RGS18: variants seen among roughly 807,000 people sequenced by gnomAD.
RGS18 encodes the protein regulator of G protein signaling 18.
Under a neutral mutation model 27.6 loss-of-function variants are expected in RGS18, and 22 were observed. The ratio of observed to expected loss-of-function variants is 0.80; its 90% CI spans 0.57 to 1.14. The LOEUF is 1.14. Ranked by LOEUF, RGS18 falls within the 50% of genes most tolerant of loss-of-function variation. The pLI is 0.00. For synonymous variants in RGS18, 89 were observed against 84.6 expected (o/e 1.05, Z -0.29); for missense variants, 299 against 269.6 (o/e 1.11, Z -0.76).
In RGS18 at chr1:192,181,272, A is replaced by G. The variant is rs10921106; in HGVS notation, c.284-20A>G. 2.3e-4 allele frequency: 291 copies of G among 1,285,166 alleles called. No individual in the cohort carries two copies. The African/African-American group carries it at 3.9e-3, about 17-fold the overall frequency. The allele number at this position is 1,285,166 out of a possible 1,614,324, so 79.6% of individuals were successfully genotyped here. ...AACATTAATACCATTTTATAGTTAT[A>G]TTATTTATTTTCTTGATAGATGGAC... On this transcript the variant is annotated intron_variant, in intron 3 of 4. Transcript: ENST00000367460.
In RGS18 at chr1:192,158,632, G is replaced by T; in HGVS notation, c.-6G>T. 1 of 1,545,474 alleles carries T rather than the reference G, an allele frequency of 6.5e-7. No individual in the cohort carries two copies. The highest frequency in any genetic ancestry group is 1.3e-5 in the South Asian group (1 of 76,754). ...AAATTAGACATCTCTTCATTTTAGA[G>T]AGAAGATGGAAACAACATTGCTTTT... On this transcript the variant is annotated 5_prime_UTR_variant, in exon 1 of 5. Transcript: ENST00000367460.
intron 2 of RGS18, among the ~76,000 whole-genome samples, chr1:192,159,898 A>T (rs1656040528): frequency 6.6e-6 from 1 of 152,036 alleles, no homozygotes; most frequent in Non-Finnish European, 1.5e-5. Context: ...TATATTTCTT[A>T]TCCCTTTGAA....
chr1:192,168,536 A>C (rs1464871167), intron 3 of RGS18: 1 of 152,204 alleles, frequency 6.6e-6, no homozygotes, highest in Non-Finnish European at 1.5e-5. Flanking sequence ...AGCGCAGCAG[A>C]TGGCACAGAG....
At chr1:192,178,385 T>C (rs1308765719) in intron 3 of RGS18, among the ~76,000 whole-genome samples, 1 of 151,650 alleles carries the variant, frequency 6.6e-6, no homozygotes, top group Non-Finnish European at 1.5e-5. Context: ...ATCATCTGCA[T>C]ATTGATCGTA....
chr1:192,159,106 G>GT, intron 1 of RGS18, 114 bp from the exon 2 acceptor site: 2 of 666,786 alleles, frequency 3.0e-6, no homozygotes, highest in South Asian at 3.6e-5. Flanking sequence ...ATTCATGAGT[G>GT]TGTGGGTATG....
At position 192,185,566 on chromosome 1, in the gene RGS18, T is replaced by A. The variant is rs1418932006; in HGVS notation, c.*1012T>A. ...TATATTCTTGTTAAGCAAATCTCCT[T>A]AAGTAATTATTATTCAAATAAGATT... On this transcript the variant is annotated 3_prime_UTR_variant, in exon 5 of 5. Coordinates refer to ENST00000367460, the MANE Select transcript of RGS18 (RefSeq NM_130782.3). The A allele has an allele frequency of 6.6e-6, 1 of 151,644 alleles. No homozygotes were observed. The highest frequency in any genetic ancestry group is 1.5e-5 in the Non-Finnish European group (1 of 67,720). 9.4% of individuals were successfully genotyped at this position (151,644 alleles called of 1,614,324 possible).
intron 3 of RGS18, among the ~76,000 whole-genome samples, chr1:192,171,811 G>A (rs1221021770): frequency 6.6e-6 from 1 of 151,746 alleles, no homozygotes; most frequent in Non-Finnish European, 1.5e-5. Flanking sequence ...TATAAAGGAG[G>A]AATAAATGGT....
rs755338937 is a variant in RGS18, at chr1:192,181,301, A to G, written c.293A>G (p.Glu98Gly). The change falls in exon 4 of 5, where the codon GAG becomes GGG. Residue 98 changes from glutamate to glycine, a missense_variant. By Grantham distance (98) the Glu-to-Gly change is moderately conservative (BLOSUM62 -2). Coordinates refer to ENST00000367460, the MANE Select transcript of RGS18 (RefSeq NM_130782.3). ...DKLLSHRDGL[E>G]AFTRFLKTEF... ...TTTATTTTCTTGATAGATGGACTAG[A>G]GGCTTTTACCAGATTTCTTAAAACT... 4.7e-6 allele frequency: 7 copies of G among 1,496,204 alleles called. No homozygotes were observed. The African/African-American group carries it at 1.0e-4, about 21-fold the overall frequency. 92.7% of individuals were successfully genotyped at this position (1,496,204 alleles called of 1,614,324 possible).
chr1:192,160,588 T>C (rs1656052750), intron 3 of RGS18, 149 bp downstream of exon 3: 2 of 497,362 alleles, frequency 4.0e-6, no homozygotes, highest in Non-Finnish European at 7.3e-6. Flanking sequence ...AACTAAGTAA[T>C]AGAAAAGTCA....
chr1:192,160,329 A>G, intron 2 of RGS18, 49 bp from the exon 3 acceptor site: 1 of 1,255,732 alleles, frequency 8.0e-7, no homozygotes, highest in Non-Finnish European at 1.2e-6. Context: ...CAGATTCATA[A>G]ACAGACTTTC....
At chr1:192,182,169 C>T (rs1656467593) in intron 4 of RGS18, among the ~76,000 whole-genome samples, 1 of 150,128 alleles carries the variant, frequency 6.7e-6, no homozygotes, top group African/African-American at 2.4e-5. Context: ...GTAGATATCT[C>T]TTTAACATGC....
At chr1:192,178,849 G>T (rs1172382057) in intron 3 of RGS18, among the ~76,000 whole-genome samples, 2 of 151,574 alleles carry the variant, frequency 1.3e-5, no homozygotes, top group Non-Finnish European at 3.0e-5. Context: ...ATATCAACAT[G>T]TAAAGAAACT....
Position 192,160,448 on chromosome 1 carries a change from T to C in RGS18, c.283+9T>C. ...ACTGCTTTCCCATAGAGGTTAGTGGTACTTTCACCAAATACTTTGTGTGCT... is the reference window on the plus strand; with the variant it reads ...ACTGCTTTCCCATAGAGGTTAGTGGCACTTTCACCAAATACTTTGTGTGCT... On this transcript the variant is annotated intron_variant, in intron 3 of 4. Coordinates refer to ENST00000367460, the MANE Select transcript of RGS18 (RefSeq NM_130782.3). The C allele has an allele frequency of 6.3e-7, 1 of 1,595,436 alleles. No individual in the cohort carries two copies. The highest frequency in any genetic ancestry group is 1.1e-5 in the South Asian group (1 of 90,500).
chr1:192,177,719 G>A (rs1656380925), intron 3 of RGS18, among the ~76,000 whole-genome samples: 1 of 151,658 alleles, frequency 6.6e-6, no homozygotes. Flanking sequence ...TAATAAAATT[G>A]CTTTATGGAT....
rs140742006 is a variant in RGS18 at position 192,174,801 on chromosome 1, T to C, written c.284-6491T>C. Among the ~76,000 whole-genome samples, 780 of 152,030 alleles carry C rather than the reference T, an allele frequency of 5.1e-3. 7 individuals carry two copies. Among genetic ancestry groups the C allele is most frequent in the Non-Finnish European group, 9.0e-3 (613 of 67,878 alleles). ...TGATACTTTTCATTTAATGTGTCTC[T>C]TGTTGCCAATATGTAGTCTGTTTTT... is the stretch of plus-strand genomic sequence containing the variant. On this transcript the variant is annotated intron_variant, in intron 3 of 4. Transcript: ENST00000367460.
intron 4 of RGS18, among the ~76,000 whole-genome samples, chr1:192,183,839 G>C (rs557113230): frequency 6.6e-6 from 1 of 151,686 alleles, no homozygotes; most frequent in Middle Eastern, 3.4e-3. Context: ...AACTTCAATT[G>C]GTTCATGGTT....
chr1:192,165,781 A>C (rs1016516837), intron 3 of RGS18, among the ~76,000 whole-genome samples: 32 of 152,310 alleles, frequency 2.1e-4, no homozygotes, highest in African/African-American at 7.7e-4. Flanking sequence ...GAAGTCCATC[A>C]ATAATTTAAA....
In RGS18 at chr1:192,172,884, A is replaced by AAAAAT. The variant is rs1553229387; in HGVS notation, c.284-8407_284-8406insAAATA. On this transcript the variant is annotated intron_variant, in intron 3 of 4. Coordinates refer to ENST00000367460, the MANE Select transcript of RGS18 (RefSeq NM_130782.3). ...ATATGCATATATATATATATATATA[A>AAAAAT]ATATATATATATACACATATGTATA... 4.2e-3 allele frequency among the ~76,000 whole-genome samples: 406 copies of AAAAAT among 97,488 alleles called. 5 individuals are homozygous for AAAAAT. Among genetic ancestry groups the AAAAAT allele is most frequent in the South Asian group, 0.035 (111 of 3,172 alleles). 64.0% of individuals were successfully genotyped at this position (97,488 alleles called of 152,430 possible). A position where few individuals can be genotyped will look rare whatever the true frequency, so the allele number is the denominator to read the frequency against.
At chr1:192,163,704 A>G (rs1203583066) in intron 3 of RGS18, 4 of 152,004 alleles carry the variant, frequency 2.6e-5, no homozygotes, top group African/African-American at 9.6e-5. Flanking sequence ...ATTTTACTCA[A>G]TCTCCCCTAA....
Sources: gnomAD v4.1 joint callset for allele counts (sites outside exome capture counted in the v4.1 genomes callset) on GRCh38, gnomAD v4.1.1 for gene constraint, MANE v1.5 for transcripts, NCBI Gene and HGNC (gene_info 2026-07-23, HGNC 2026-07-21) for gene names.